WDR37: variants seen among roughly 807,000 people sequenced by gnomAD.
WDR37 encodes WD repeat domain 37, also known as WD repeat-containing protein 37.
A neutral mutation model predicts 62.9 loss-of-function variants in WDR37; 19 were observed. The observed-to-expected ratio is 0.30, with a 90% CI of 0.21 to 0.44. The LOEUF is 0.44. WDR37 is among the 20% of genes least tolerant of loss of function. The probability of loss-of-function intolerance (pLI) is 1.00; values close to 1 mark genes in which losing one functional copy is unlikely to be tolerated. For synonymous variants in WDR37, 250 were observed against 260.9 expected (o/e 0.96, Z 0.40); for missense variants, 474 against 657.6 (o/e 0.72, Z 3.05).
chr10:1,103,660 A>T lies in WDR37; in HGVS notation c.785A>T (p.Asp262Val), dbSNP rs1354877881. 4.3e-6 allele frequency: 7 copies of T among 1,614,102 alleles called. No homozygotes were observed. Among genetic ancestry groups the T allele is most frequent in the Admixed American group, 1.7e-5 (1 of 60,002 alleles). The change falls in exon 10 of 14, where the codon GAT becomes GTT. Residue 262 changes from aspartate to valine, a missense_variant. Transcript: ENST00000263150. The surrounding 1 kb of genome is among the most constrained non-coding windows in gnomAD (Gnocchi z 6.3). ...SDKDEPDLDG[D>V]VSSDCPTIRV... ...AAGGACGAGCCCGACCTCGATGGGG[A>T]TGTGTCCAGCGACTGCCCCACCATC... is the stretch of plus-strand genomic sequence containing the variant.
At chr10:1,091,885 T>C (rs1222158425) in intron 7 of WDR37, among the ~76,000 whole-genome samples, 1 of 152,204 alleles carries the variant, frequency 6.6e-6, no homozygotes, top group East Asian at 1.9e-4. Context: ...TGCTCCTTTT[T>C]CAAGAAAATG....
intron 11 of WDR37, among the ~76,000 whole-genome samples, chr10:1,114,796 T>C (rs1871628): frequency 0.98 from 148,827 of 152,348 alleles, 72,764 homozygotes; most frequent in East Asian, 1. Flanking sequence ...ATTCCATAAG[T>C]CTGGCCCTCT....
In WDR37 at chr10:1,056,802, A is replaced by C. The variant is rs954340951; in HGVS notation, c.-207A>C. ...GGACTGGGGCGGGACTTCCGGCGAC[A>C]CCGGAAGTGCATTAGCGCCAGGTTG... On this transcript the variant is annotated 5_prime_UTR_variant, in exon 1 of 14. Coordinates refer to ENST00000263150, the MANE Select transcript of WDR37 (RefSeq NM_014023.4). The C allele has an allele frequency of 6.6e-6, 1 of 152,144 alleles. No homozygotes were observed. Among genetic ancestry groups the C allele is most frequent in the Non-Finnish European group, 1.5e-5 (1 of 68,056 alleles). The allele number at this position is 152,144 out of a possible 1,614,324, so 9.4% of individuals were successfully genotyped here.
chr10:1,062,679 T>C (rs1833411330), intron 1 of WDR37, among the ~76,000 whole-genome samples: 1 of 152,212 alleles, frequency 6.6e-6, no homozygotes, highest in Non-Finnish European at 1.5e-5. Context: ...CCTACACATA[T>C]GCAATTTGAG....
intron 5 of WDR37, among the ~76,000 whole-genome samples, chr10:1,081,640 T>A (rs1012278563): frequency 2.0e-5 from 3 of 152,238 alleles, no homozygotes; most frequent in African/African-American, 7.2e-5. Flanking sequence ...AAGTTGCTAA[T>A]TTATTTGATT....
intron 11 of WDR37, among the ~76,000 whole-genome samples, chr10:1,111,821 T>C (rs1835225862): frequency 6.6e-6 from 1 of 152,258 alleles, no homozygotes; most frequent in Non-Finnish European, 1.5e-5. Flanking sequence ...GTATGTGTTG[T>C]TATTAGAAAT....
intron 1 of WDR37, among the ~76,000 whole-genome samples, chr10:1,069,389 A>ATATATATATATTTTTTTTT: frequency 2.1e-5 from 2 of 95,806 alleles, no homozygotes; most frequent in African/African-American, 9.4e-5. Context: ...ATATATATAT[A>ATATATATATATTTTTTTTT]TTTTTTTTTT....
chr10:1,063,090 A>C (rs1174314509), intron 1 of WDR37, among the ~76,000 whole-genome samples: 3 of 152,076 alleles, frequency 2.0e-5, no homozygotes, highest in Non-Finnish European at 4.4e-5. Flanking sequence ...TGTTAAAAAA[A>C]AAAAAAAAGA....
intron 11 of WDR37, 165 bp from the exon 12 acceptor site, chr10:1,124,053 A>C (rs1435587537): frequency 1.3e-6 from 1 of 769,244 alleles, no homozygotes; most frequent in Admixed American, 2.9e-5. Flanking sequence ...CTTTTCTTGC[A>C]CTGGTGGAGA....
At chr10:1,126,424 C>T (rs1484944105) in intron 13 of WDR37, among the ~76,000 whole-genome samples, 12 of 150,894 alleles carry the variant, frequency 8.0e-5, no homozygotes, top group Non-Finnish European at 1.6e-4. Flanking sequence ...AAAAAAGAAA[C>T]TCCCCGTGGT....
At chr10:1,123,584 G>A (rs987196051) in intron 11 of WDR37, among the ~76,000 whole-genome samples, 11 of 152,150 alleles carry the variant, frequency 7.2e-5, no homozygotes, top group African/African-American at 1.2e-4. Context: ...TGTACACGCC[G>A]CATTAAATCC....
intron 7 of WDR37, among the ~76,000 whole-genome samples, chr10:1,088,198 C>T (rs1485645468): frequency 6.6e-6 from 1 of 152,220 alleles, no homozygotes; most frequent in Admixed American, 6.5e-5. Flanking sequence ...ACCACTCAAA[C>T]TTCCTGTGTA....
intron 6 of WDR37, among the ~76,000 whole-genome samples, 165 bp from the exon 7 acceptor site, chr10:1,086,121 G>T (rs191649916): frequency 6.6e-6 from 1 of 152,312 alleles, no homozygotes; most frequent in East Asian, 1.9e-4. Flanking sequence ...TTTGGGAAAT[G>T]TTTTCTTTGA....
At chr10:1,085,271 C>T (rs752781908) in intron 6 of WDR37, among the ~76,000 whole-genome samples, 2 of 152,158 alleles carry the variant, frequency 1.3e-5, no homozygotes, top group Admixed American at 6.5e-5. Flanking sequence ...CGTGCCTGGC[C>T]CTCTTTTTCT....
At chr10:1,069,208 A>G (rs771661356) in intron 1 of WDR37, among the ~76,000 whole-genome samples, 10 of 151,908 alleles carry the variant, frequency 6.6e-5, no homozygotes, top group Non-Finnish European at 1.2e-4. Context: ...TGTGAATCGT[A>G]TATCAAGATT....
intron 11 of WDR37, among the ~76,000 whole-genome samples, chr10:1,114,133 T>A (rs1835310637): frequency 6.6e-6 from 1 of 151,648 alleles, no homozygotes; most frequent in African/African-American, 2.4e-5. Context: ...ATTTTTACAT[T>A]TTTAGTAGAG....
rs1228062468 is a variant in WDR37, at chr10:1,086,400, T to C, written c.604+43T>C. ...AGTGCCGTAGCCAGAGGCCGTTGCC[T>C]TCTCCAGTGTGTTTTTAAAATCGTG... is the stretch of plus-strand genomic sequence containing the variant. On this transcript the variant is annotated intron_variant, in intron 7 of 13. Coordinates refer to ENST00000263150, the MANE Select transcript of WDR37 (RefSeq NM_014023.4). The C allele has an allele frequency of 2.0e-6, 3 of 1,513,300 alleles. No individual in the cohort carries two copies. The South Asian group carries it at 3.4e-5, about 17-fold the overall frequency. 93.7% of individuals were successfully genotyped at this position (1,513,300 alleles called of 1,614,324 possible).
chr10:1,077,429 T>C (rs1954870819), intron 2 of WDR37, among the ~76,000 whole-genome samples: 2 of 151,914 alleles, frequency 1.3e-5, no homozygotes, highest in Non-Finnish European at 1.5e-5. Flanking sequence ...TTATGTCGAG[T>C]GATGGGAGAG....
chr10:1,060,197 G>A (rs1833331704), intron 1 of WDR37, among the ~76,000 whole-genome samples: 1 of 152,194 alleles, frequency 6.6e-6, no homozygotes, highest in African/African-American at 2.4e-5. Context: ...TGTGTTTATG[G>A]GTTTCATTAA....
Sources: allele counts gnomAD v4.1 joint callset (sites outside exome capture counted in the v4.1 genomes callset), GRCh38; gene constraint gnomAD v4.1.1; non-coding constraint Gnocchi (gnomAD v3.1); transcripts MANE v1.5; gene names NCBI Gene and HGNC (gene_info 2026-07-23, HGNC 2026-07-21).